The following BTBD3 variants were observed in gnomAD, a reference collection of about 807,000 sequenced individuals.
BTBD3 encodes the protein BTB/POZ domain-containing protein 3.
BTBD3 carries 14 observed loss-of-function variants against 41.6 expected under a neutral mutation model. The observed-to-expected ratio is 0.34, with a 90% CI of 0.22 to 0.53. BTBD3 has a LOEUF of 0.53. BTBD3 is among the 20% of genes least tolerant of loss of function. The pLI is 0.95. For synonymous variants in BTBD3, 249 were observed against 233.7 expected, an observed-to-expected ratio of 1.07 and a Z score of -0.60; for missense variants, 426 against 654.7, an observed-to-expected ratio of 0.65 and a Z score of 3.81.
In BTBD3 at chr20:11,919,123, G is replaced by A. The variant is rs1600244998; in HGVS notation, c.364G>A (p.Val122Ile). The change falls in exon 2 of 4, where the codon GTA becomes ATA. Residue 122 changes from valine to isoleucine, a missense_variant. Val to Ile is a conservative substitution (Grantham distance 29). Around this residue, in one of 3 missense-constraint regions of BTBD3, gnomAD observed 321 missense variants for 534.8 expected, o/e 0.60. Coordinates refer to ENST00000378226, the MANE Select transcript of BTBD3 (RefSeq NM_014962.4). ...GTTCAATAATGATTTGATGGCAGAT[G>A]TACATTTTGTGGTTGGGCCACCAGG... is the stretch of plus-strand genomic sequence containing the variant. ...MMFNNDLMAD[V>I]HFVVGPPGGT... The A allele has an allele frequency of 1.2e-6, 2 of 1,613,796 alleles. No homozygotes were observed. Among genetic ancestry groups the A allele is most frequent in the East Asian group, 2.2e-5 (1 of 44,846 alleles).
chr20:11,912,611 T>C (rs1458706593), intron 1 of BTBD3, among the ~76,000 whole-genome samples: 1 of 152,236 alleles, frequency 6.6e-6, no homozygotes, highest in African/African-American at 2.4e-5. Flanking sequence ...TGAGATTTTG[T>C]GTTTTAGATG....
At chr20:11,901,457 G>A (rs1048816366) in intron 1 of BTBD3, among the ~76,000 whole-genome samples, 1 of 152,166 alleles carries the variant, frequency 6.6e-6, no homozygotes, top group Non-Finnish European at 1.5e-5. Flanking sequence ...CTATGCAGTC[G>A]CAGTCAGTCT....
intron 1 of BTBD3, chr20:11,891,035 C>T (rs1464200566): frequency 1.5e-5 from 14 of 942,108 alleles, no homozygotes; most frequent in African/African-American, 8.9e-5. Flanking sequence ...GGGCGCGCGC[C>T]CTGCGGCCGG....
At chr20:11,919,206 C>G in intron 2 of BTBD3, 30 bp downstream of exon 2, 1 of 1,590,684 alleles carries the variant, frequency 6.3e-7, no homozygotes. Flanking sequence ...CCGGTTTAGT[C>G]CTGACGTTTA....
chr20:11,922,493 T>C, intron 3 of BTBD3, 141 bp from the exon 4 acceptor site: 1 of 655,168 alleles, frequency 1.5e-6, no homozygotes, highest in Middle Eastern at 4.1e-4. Flanking sequence ...TTTCGAATGT[T>C]CCTTTACTCT....
At chr20:11,894,616 T>G (rs965869053) in intron 1 of BTBD3, among the ~76,000 whole-genome samples, 1 of 152,082 alleles carries the variant, frequency 6.6e-6, no homozygotes, top group African/African-American at 2.4e-5. Context: ...TAAAGAAGAT[T>G]GAGTGTTTAT....
At position 11,923,717 on chromosome 20, in the gene BTBD3, A is replaced by G. The variant is rs749658717; in HGVS notation, c.*51A>G. Reference sequence around the variant, plus strand: ...GCTCCAAAGTGCACATCTGGTTCCAACTTGCCTGATGCTTAGCTCATCTGC... The same window carrying G: ...GCTCCAAAGTGCACATCTGGTTCCAGCTTGCCTGATGCTTAGCTCATCTGC... On this transcript the variant is annotated 3_prime_UTR_variant, in exon 4 of 4. Coordinates refer to ENST00000378226, the MANE Select transcript of BTBD3 (RefSeq NM_014962.4). This position sits in a 1 kb window ranked among gnomAD's most constrained non-coding sequence, Gnocchi z 5.3. 1.4e-5 allele frequency: 21 copies of G among 1,510,476 alleles called. No individual in the cohort carries two copies. Among genetic ancestry groups the G allele is most frequent in the Middle Eastern group, 2.1e-4 (1 of 4,862 alleles). 93.6% of individuals were successfully genotyped at this position (1,510,476 alleles called of 1,614,324 possible).
Position 11,923,820 on chromosome 20 carries a change from T to C in BTBD3, c.*154T>C, listed in dbSNP as rs143062965. 7.2e-4 allele frequency: 507 copies of C among 704,970 alleles called. No homozygotes were observed. The highest frequency in any genetic ancestry group is 1.1e-3 in the Non-Finnish European group (467 of 437,558). 43.7% of individuals were successfully genotyped at this position (704,970 alleles called of 1,614,324 possible). ...CTAATTTCTTTTAACCTTTTAATTATGTACAGGCAAAAATGCAGCATTCCG... is the reference window on the plus strand; with the variant it reads ...CTAATTTCTTTTAACCTTTTAATTACGTACAGGCAAAAATGCAGCATTCCG... On this transcript the variant is annotated 3_prime_UTR_variant, in exon 4 of 4. Coordinates refer to ENST00000378226, the MANE Select transcript of BTBD3 (RefSeq NM_014962.4). The surrounding 1 kb of genome is among the most constrained non-coding windows in gnomAD (Gnocchi z 5.3).
At chr20:11,916,900 T>C (rs1196365492), upstream of BTBD3, among the ~76,000 whole-genome samples, 2 of 152,116 alleles carry the variant, frequency 1.3e-5, no homozygotes, top group East Asian at 3.9e-4. Context: ...GTGTTTTTGT[T>C]TTTTTTACTC....
At chr20:11,918,939 G>A (rs2056941851) in intron 1 of BTBD3, 147 bp from the exon 2 acceptor site, 1 of 628,922 alleles carries the variant, frequency 1.6e-6, no homozygotes, top group African/African-American at 1.8e-5. Flanking sequence ...ATTATGAACA[G>A]TTTAGTTAGA....
chr20:11,895,524 G>C (rs989818151), intron 1 of BTBD3, among the ~76,000 whole-genome samples: 2 of 152,104 alleles, frequency 1.3e-5, no homozygotes, highest in African/African-American at 4.8e-5. Context: ...TCAGAGAGTG[G>C]TCTTCCAGTA....
At position 11,923,931 on chromosome 20, in the gene BTBD3, TGTGCTTTCCCAAGC is replaced by T. The variant is rs1302638251; in HGVS notation, c.*268_*281del. On this transcript the variant is annotated 3_prime_UTR_variant, in exon 4 of 4. Transcript: ENST00000378226. This position sits in a 1 kb window ranked among gnomAD's most constrained non-coding sequence, Gnocchi z 5.3. ...TGCATCTATGAACCTGGGGAGATTA[TGTGCTTTCCCAAGC>T]GTTCCACCACCCTCTCAGTTTTGTC... is the stretch of plus-strand genomic sequence containing the variant. 2.8e-6 allele frequency: 1 copy of T among 357,886 alleles called. No individual in the cohort carries two copies. Among genetic ancestry groups the T allele is most frequent in the Non-Finnish European group, 5.0e-6 (1 of 199,278 alleles). 22.2% of individuals were successfully genotyped at this position (357,886 alleles called of 1,614,324 possible). A position where few individuals can be genotyped will look rare whatever the true frequency, so the allele number is the denominator to read the frequency against.
intron 1 of BTBD3, among the ~76,000 whole-genome samples, chr20:11,894,863 A>G (rs966615917): frequency 5.9e-5 from 9 of 152,192 alleles, no homozygotes; most frequent in African/African-American, 2.2e-4. Flanking sequence ...GAGGAAGACT[A>G]AGGCGTTGAG....
rs1425317515 is a variant in BTBD3 at position 11,918,379 on chromosome 20, C to CCAG, written c.114_116dup (p.Ser40dup). 11 of 1,614,018 alleles carry CCAG rather than the reference C, an allele frequency of 6.8e-6. No homozygotes were observed. Among genetic ancestry groups the CCAG allele is most frequent in the Non-Finnish European group, 9.3e-6 (11 of 1,180,024 alleles). On this transcript the variant is annotated inframe_insertion, in exon 1 of 4. Coordinates refer to ENST00000378226, the MANE Select transcript of BTBD3 (RefSeq NM_014962.4). ...AAGAAAAGCTCAAAGAAAGCAAATA[C>CCAG]CAGCAGCAGCAGTAGCAACAGCAGC...
intron 1 of BTBD3, among the ~76,000 whole-genome samples, chr20:11,901,665 C>G (rs915906138): frequency 2.6e-5 from 4 of 152,118 alleles, no homozygotes; most frequent in African/African-American, 9.7e-5. Flanking sequence ...AGTGATCCCC[C>G]CAAAATGTCA....
intron 1 of BTBD3, among the ~76,000 whole-genome samples, chr20:11,896,424 A>G (rs988869621): frequency 2.0e-5 from 3 of 152,166 alleles, no homozygotes; most frequent in African/African-American, 7.2e-5. Flanking sequence ...TGACACTTTT[A>G]TCTACTTTTA....
chr20:11,901,856 C>T (rs1450315997), intron 1 of BTBD3, among the ~76,000 whole-genome samples: 2 of 152,122 alleles, frequency 1.3e-5, no homozygotes, highest in African/African-American at 2.4e-5. Flanking sequence ...TTTGATTTTA[C>T]AGTGTTTCTA....
At chr20:11,896,857 A>G (rs2056790083) in intron 1 of BTBD3, among the ~76,000 whole-genome samples, 1 of 152,236 alleles carries the variant, frequency 6.6e-6, no homozygotes, top group African/African-American at 2.4e-5. Flanking sequence ...AGTATAACAT[A>G]TTCAATGCAT....
chr20:11,891,887 C>A lies in BTBD3; in HGVS notation c.-126+933C>A, dbSNP rs183906764. On this transcript the variant is annotated intron_variant, in intron 1 of 4. Coordinates refer to the BTBD3 transcript ENST00000254977. ...CTCGCCAAATCCTGTAATACAGTTT[C>A]CCCAAACTTGGCTGCACAGAGGAGT... Among the ~76,000 whole-genome samples the A allele has an allele frequency of 1.7e-3, 264 of 152,186 alleles. 1 individual carries two copies. The highest frequency in any genetic ancestry group is 0.017 in the Middle Eastern group (5 of 294).
Sources: allele counts gnomAD v4.1 joint callset (sites outside exome capture counted in the v4.1 genomes callset), GRCh38; gene constraint gnomAD v4.1.1; regional missense constraint gnomAD v4.1.1; non-coding constraint Gnocchi (gnomAD v3.1); transcripts MANE v1.5; gene names NCBI Gene and HGNC (gene_info 2026-07-23, HGNC 2026-07-21).